Variants in THRB observed in about 807,000 individuals in gnomAD.
THRB encodes the protein nuclear receptor subfamily 1 group A member 2.
THRB carries 12 observed loss-of-function variants against 47.8 expected under a neutral mutation model. The observed-to-expected ratio is 0.25, with a 90% confidence interval of 0.16 to 0.41. The LOEUF (loss-of-function observed/expected upper bound fraction) is 0.41, where lower values mean the gene tolerates loss of function less well. Ranked by LOEUF, THRB falls within the 10% of genes least tolerant of loss-of-function variation. The pLI is 1.00. For synonymous variants in THRB, 218 were observed against 212.2 expected, an observed-to-expected ratio of 1.03 and a Z score of -0.24; for missense variants, 348 against 589.2, an observed-to-expected ratio of 0.59 and a Z score of 4.24.
chr3:24,162,696 A>C (rs2039053552), intron 5 of THRB, among the ~76,000 whole-genome samples: 1 of 151,870 alleles, frequency 6.6e-6, no homozygotes, highest in Admixed American at 6.6e-5. Context: ...CAAAAAAAAA[A>C]AAAAAACTTT....
At chr3:24,362,162 C>T (rs776687736) in intron 1 of THRB, among the ~76,000 whole-genome samples, 9 of 152,112 alleles carry the variant, frequency 5.9e-5, no homozygotes, top group Non-Finnish European at 1.2e-4. Context: ...GCTTTCACCT[C>T]CTCAAAACCC....
chr3:24,284,097 A>C (rs1437365740), intron 3 of THRB, among the ~76,000 whole-genome samples: 1 of 145,232 alleles, frequency 6.9e-6, no homozygotes, highest in South Asian at 2.3e-4. Flanking sequence ...GTTCATATGG[A>C]ACCAAAAAAG....
chr3:24,280,284 C>T (rs367858724), intron 3 of THRB, among the ~76,000 whole-genome samples: 2 of 152,154 alleles, frequency 1.3e-5, no homozygotes, highest in African/African-American at 4.8e-5. Context: ...TGACTCCTGA[C>T]CCCCGAGCAG....
At chr3:24,394,585 C>A (rs891495278) in intron 1 of THRB, among the ~76,000 whole-genome samples, 3 of 152,092 alleles carry the variant, frequency 2.0e-5, no homozygotes, top group African/African-American at 4.8e-5. Flanking sequence ...AATGTCATAA[C>A]CTTCCTAGAA....
At chr3:24,228,776 G>A (rs1392260255) in intron 4 of THRB, among the ~76,000 whole-genome samples, 162 bp downstream of exon 4, 1 of 152,078 alleles carries the variant, frequency 6.6e-6, no homozygotes, top group African/African-American at 2.4e-5. Flanking sequence ...GAAGAAGATG[G>A]AAGTACATTT....
chr3:24,346,041 T>C (rs766867087), intron 1 of THRB, among the ~76,000 whole-genome samples: 30 of 151,938 alleles, frequency 2.0e-4, no homozygotes, highest in Non-Finnish European at 3.8e-4. Context: ...AGGAGAAATA[T>C]CCCAGATGGG....
intron 3 of THRB, among the ~76,000 whole-genome samples, chr3:24,259,940 A>G (rs1349553475): frequency 6.6e-6 from 1 of 152,166 alleles, no homozygotes; most frequent in East Asian, 1.9e-4. Context: ...CAGAAAGTAT[A>G]CAGTTTAATG....
chr3:24,470,639 C>A (rs868690572), intron 1 of THRB, among the ~76,000 whole-genome samples: 1 of 152,094 alleles, frequency 6.6e-6, no homozygotes, highest in Non-Finnish European at 1.5e-5. Context: ...TTTTTTGAGA[C>A]AGAGTGTCAC....
At chr3:24,436,298 T>C (rs2070940731) in intron 1 of THRB, among the ~76,000 whole-genome samples, 1 of 151,462 alleles carries the variant, frequency 6.6e-6, no homozygotes, top group Non-Finnish European at 1.5e-5. Context: ...AGCCCAGCAC[T>C]GTAAGGGAAC....
intron 3 of THRB, among the ~76,000 whole-genome samples, chr3:24,242,210 A>G (rs1023953994): frequency 5.3e-5 from 8 of 152,266 alleles, no homozygotes; most frequent in African/African-American, 1.9e-4. Flanking sequence ...CATTCTTTTC[A>G]GCTCAGGAAG....
intron 1 of THRB, among the ~76,000 whole-genome samples, chr3:24,382,582 G>C (rs868779953): frequency 5.9e-5 from 9 of 151,800 alleles, no homozygotes; most frequent in African/African-American, 2.2e-4. Flanking sequence ...GAAAGGGGGA[G>C]GGAATCTTCA....
chr3:24,345,809 T>A (rs1257383934), intron 1 of THRB, among the ~76,000 whole-genome samples: 1 of 152,234 alleles, frequency 6.6e-6, no homozygotes, highest in African/African-American at 2.4e-5. Flanking sequence ...GGGACACTTT[T>A]GAGGAGTGTT....
intron 1 of THRB, among the ~76,000 whole-genome samples, chr3:24,441,536 A>T (rs1325634476): frequency 6.6e-6 from 1 of 152,256 alleles, no homozygotes; most frequent in East Asian, 1.9e-4. Context: ...AAATGTTATA[A>T]GTAATAGTGG....
chr3:24,432,587 G>T (rs2070546770), intron 1 of THRB, among the ~76,000 whole-genome samples: 1 of 152,104 alleles, frequency 6.6e-6, no homozygotes, highest in Non-Finnish European at 1.5e-5. Flanking sequence ...AGACACTGGG[G>T]TGTTGAAAAT....
chr3:24,317,116 T>G (rs1018242219), intron 2 of THRB, among the ~76,000 whole-genome samples: 9 of 152,202 alleles, frequency 5.9e-5, no homozygotes, highest in African/African-American at 1.9e-4. Context: ...TCCTTTGAGT[T>G]TATCCTGTAT....
intron 2 of THRB, among the ~76,000 whole-genome samples, chr3:24,336,892 T>G (rs1207897782): frequency 6.6e-6 from 1 of 152,024 alleles, no homozygotes; most frequent in Non-Finnish European, 1.5e-5. Flanking sequence ...TGGCTAATTT[T>G]TTGTATTTTT....
intron 5 of THRB, among the ~76,000 whole-genome samples, chr3:24,159,727 CTGTGTGTGTGTGTGTGTGTGTGTGTG>C (rs67972581): frequency 6.9e-6 from 1 of 145,328 alleles, no homozygotes; most frequent in Non-Finnish European, 1.5e-5. Flanking sequence ...GCCACAACTG[CTGTGTGTGTGTGTGTGTGTGTGTGTG>C]TGTGTGTGTG....
chr3:24,280,849 G>A (rs1255894265), intron 3 of THRB, among the ~76,000 whole-genome samples: 3 of 152,188 alleles, frequency 2.0e-5, no homozygotes, highest in Admixed American at 6.5e-5. Context: ...GATGGAAGAT[G>A]AAATGAATGA....
At position 24,265,557 on chromosome 3, in the gene THRB, T is replaced by C. The variant is rs145954861; in HGVS notation, c.-43+31669A>G. On this transcript the variant is annotated intron_variant, in intron 3 of 10. Transcript: ENST00000646209. ...CTACTTATATGGTACTGTATAATAA[T>C]CAAGGTTTATAATAATGTCCATTAA... 2.8e-3 allele frequency among the ~76,000 whole-genome samples: 423 copies of C among 152,334 alleles called. 11 individuals carry two copies. Among genetic ancestry groups the C allele is most frequent in the East Asian group, 0.026 (133 of 5,194 alleles).
Sources: gnomAD v4.1 joint callset for allele counts (sites outside exome capture counted in the v4.1 genomes callset) on GRCh38, gnomAD v4.1.1 for gene constraint, MANE v1.5 for transcripts, NCBI Gene and HGNC (gene_info 2026-07-23, HGNC 2026-07-21) for gene names.